Variants in PDE11A observed in about 807,000 individuals in gnomAD.
PDE11A encodes the protein dual 3',5'-cyclic-AMP and -GMP phosphodiesterase 11A.
In PDE11A, 100 loss-of-function variants were observed where a neutral mutation model predicts 100.5. The ratio of observed to expected loss-of-function variants is 1.00; its 90% CI spans 0.85 to 1.18. PDE11A has a LOEUF of 1.18. Ranked by LOEUF, PDE11A falls within the 50% of genes most tolerant of loss-of-function variation. The pLI, the probability that PDE11A is intolerant of heterozygous loss-of-function variation, is 0.00. For synonymous variants in PDE11A, 381 were observed against 420.8 expected (o/e 0.91, Z 1.16); for missense variants, 1,141 against 1,152.6 (o/e 0.99, Z 0.15).
intron 6 of PDE11A, 133 bp downstream of exon 6, chr2:177,840,118 G>T: frequency 1.1e-6 from 1 of 880,746 alleles, no homozygotes; most frequent in South Asian, 1.5e-5. Context: ...GTCAACAGTA[G>T]GCAATGCTAA....
intron 5 of PDE11A, among the ~76,000 whole-genome samples, chr2:177,853,682 G>A (rs10930815): frequency 0.037 from 1,210 of 32,556 alleles, 18 homozygotes; most frequent in Non-Finnish European, 0.048. Flanking sequence ...ATATATATAT[G>A]TGTGTGTGTG....
upstream of PDE11A, among the ~76,000 whole-genome samples, chr2:178,076,554 C>G (rs771401854): frequency 3.9e-5 from 6 of 152,198 alleles, no homozygotes; most frequent in Non-Finnish European, 5.9e-5. Flanking sequence ...TCCATCCCAC[C>G]CTTAGCAACA....
chr2:177,738,787 G>A (rs1192880006), intron 10 of PDE11A, among the ~76,000 whole-genome samples: 1 of 152,134 alleles, frequency 6.6e-6, no homozygotes, highest in Admixed American at 6.5e-5. Context: ...ACAATTCAAT[G>A]ACTGTTTCAG....
rs2084958345 is a variant in PDE11A at position 177,916,729 on chromosome 2, T to TATTTTA, written c.1072-11543_1072-11542insTAAAAT. ...AGAGGACATTTCAACTTGAAGGTTC[T>TATTTTA]TTTTATTTTATTTTATTTTATTATT... On this transcript the variant is annotated intron_variant, in intron 2 of 19. Coordinates refer to ENST00000286063, the MANE Select transcript of PDE11A (RefSeq NM_016953.4). Among the ~76,000 whole-genome samples the TATTTTA allele has an allele frequency of 2.0e-5, 3 of 149,276 alleles. 1 individual carries two copies. Among genetic ancestry groups the TATTTTA allele is most frequent in the South Asian group, 4.2e-4 (2 of 4,722 alleles).
At chr2:177,791,379 G>T (rs2105535893) in intron 9 of PDE11A, among the ~76,000 whole-genome samples, 1 of 122,144 alleles carries the variant, frequency 8.2e-6, no homozygotes, top group Non-Finnish European at 1.6e-5. Flanking sequence ...ACACTCTGGG[G>T]ACTGTTGTCG....
At chr2:178,005,218 G>A (rs912152781) in intron 2 of PDE11A, among the ~76,000 whole-genome samples, 13 of 152,046 alleles carry the variant, frequency 8.6e-5, no homozygotes, top group Non-Finnish European at 1.3e-4. Context: ...TATTTTGAGC[G>A]ACAGCTCTGG....
At chr2:177,654,484 G>A (rs1223518509) in intron 19 of PDE11A, among the ~76,000 whole-genome samples, 1 of 152,052 alleles carries the variant, frequency 6.6e-6, no homozygotes, top group Non-Finnish European at 1.5e-5. Context: ...TTGCACCACT[G>A]CACTTCAGCC....
intron 1 of PDE11A, among the ~76,000 whole-genome samples, chr2:178,031,413 G>A (rs1011921749): frequency 1.3e-5 from 2 of 152,204 alleles, no homozygotes; most frequent in South Asian, 4.1e-4. Flanking sequence ...TGATATGATT[G>A]CTTACACAGA....
chr2:177,811,408 G>C (rs888893434), intron 9 of PDE11A, among the ~76,000 whole-genome samples: 19 of 151,400 alleles, frequency 1.3e-4, no homozygotes, highest in Admixed American at 2.6e-4. Flanking sequence ...TTAGGACAAA[G>C]GATTTTAACA....
At chr2:177,947,883 A>T (rs1288318572) in intron 2 of PDE11A, among the ~76,000 whole-genome samples, 2 of 152,194 alleles carry the variant, frequency 1.3e-5, no homozygotes, top group Admixed American at 1.3e-4. Flanking sequence ...AACACAGAAA[A>T]GCATGAGGAA....
intron 1 of PDE11A, among the ~76,000 whole-genome samples, chr2:178,105,166 T>G (rs1305506598): frequency 6.6e-6 from 1 of 152,114 alleles, no homozygotes; most frequent in African/African-American, 2.4e-5. Context: ...TTTTAAGTAG[T>G]AAAGACCCTA....
chr2:177,654,983 T>A (rs1005394282), intron 19 of PDE11A, among the ~76,000 whole-genome samples: 1 of 152,176 alleles, frequency 6.6e-6, no homozygotes, highest in Non-Finnish European at 1.5e-5. Flanking sequence ...TTCCAAGCCT[T>A]GTAAGGACTT....
intron 1 of PDE11A, among the ~76,000 whole-genome samples, chr2:178,057,240 G>A (rs2086910749): frequency 6.6e-6 from 1 of 152,102 alleles, no homozygotes; most frequent in Admixed American, 6.6e-5. Flanking sequence ...TAGTTTCTAG[G>A]GTAATGGTAG....
In PDE11A at chr2:177,659,267, GAA is replaced by G. The variant is rs71010812; in HGVS notation, c.2646+4597_2646+4598del. Among the ~76,000 whole-genome samples the G allele has an allele frequency of 6.5e-4, 83 of 128,190 alleles. 2 individuals are homozygous for G. The highest frequency in any genetic ancestry group is 3.5e-3 in the South Asian group (14 of 4,030). The allele number at this position is 128,190 out of a possible 152,430, so 84.1% of individuals were successfully genotyped here. On this transcript the variant is annotated intron_variant, in intron 19 of 19. Coordinates refer to ENST00000286063, the MANE Select transcript of PDE11A (RefSeq NM_016953.4). ...CAAGAGCAAAATTCTATCTCAGGGGGAAAAAAAAAAAAAAAAAAAAAGTGAAG... is the reference window on the plus strand; with the variant it reads ...CAAGAGCAAAATTCTATCTCAGGGGGAAAAAAAAAAAAAAAAAAAGTGAAG...
At chr2:178,101,166 C>A (rs1394895792) in intron 2 of PDE11A, among the ~76,000 whole-genome samples, 1 of 152,196 alleles carries the variant, frequency 6.6e-6, no homozygotes, top group Non-Finnish European at 1.5e-5. Context: ...TAACTGGCTA[C>A]AAATTTGGGG....
chr2:177,841,812 G>C (rs920745560), intron 5 of PDE11A, among the ~76,000 whole-genome samples: 1 of 152,200 alleles, frequency 6.6e-6, no homozygotes, highest in African/African-American at 2.4e-5. Flanking sequence ...GTAGTTCTTA[G>C]ATGGCACCTA....
At chr2:178,042,481 A>G (rs1574362541) in intron 1 of PDE11A, among the ~76,000 whole-genome samples, 1 of 150,276 alleles carries the variant, frequency 6.7e-6, no homozygotes, top group East Asian at 1.9e-4. Context: ...CTGTCTCAAA[A>G]AAAAAAAAAA....
intron 1 of PDE11A, among the ~76,000 whole-genome samples, chr2:178,029,283 A>G (rs1830209): frequency 0.5 from 76,350 of 151,976 alleles, 19,968 homozygotes; most frequent in East Asian, 0.71. Flanking sequence ...CTGATATCAC[A>G]CAGAAAATAT....
At chr2:177,734,969 C>G (rs1001501781) in intron 10 of PDE11A, among the ~76,000 whole-genome samples, 45 of 152,356 alleles carry the variant, frequency 3.0e-4, no homozygotes, top group African/African-American at 1.1e-3. Flanking sequence ...CCAGTTTAAT[C>G]CATTTTAATT....
Sources: gnomAD v4.1 joint callset for allele counts (sites outside exome capture counted in the v4.1 genomes callset) on GRCh38, gnomAD v4.1.1 for gene constraint, MANE v1.5 for transcripts, NCBI Gene and HGNC (gene_info 2026-07-23, HGNC 2026-07-21) for gene names.